The following PSG5 variants were observed in gnomAD, a reference collection of about 807,000 sequenced individuals.
PSG5 encodes the protein pregnancy specific beta-1-glycoprotein 5, also known as pregnancy-specific beta-1-glycoprotein 5.
Under a neutral mutation model 37.7 loss-of-function variants are expected in PSG5, and 53 were observed. The observed-to-expected ratio is 1.41, with a 90% CI of 1.13 to 1.77. The LOEUF is 1.77. Ranked by LOEUF, PSG5 falls within the 40% of genes most tolerant of loss-of-function variation. PSG5 has a pLI of 0.00. For missense variants in PSG5, 547 were observed against 405.2 expected (o/e 1.35, Z -3.00); for synonymous variants, 221 against 155.4 (o/e 1.42, Z -3.14).
chr19:43,178,774 G>C, intron 2 of PSG5: 8 of 1,607,212 alleles, frequency 5.0e-6, no homozygotes, highest in Non-Finnish European at 6.0e-6. Context: ...ATGTCCAGGG[G>C]TAAAGGTCTC....
Position 43,185,098 on chromosome 19 carries a change from A to G in PSG5, c.114T>C (p.Ile38=). Residue 38 remains isoleucine, a synonymous_variant, in exon 2 of 6, where the codon ATT becomes ATC. Coordinates refer to ENST00000342951, the MANE Select transcript of PSG5 (RefSeq NM_002781.4). ...WNLPITAQVT[I]EALPPKVSEG... The stretch of plus-strand genomic sequence containing the variant: ...CGGAAACTTTGGGTGGCAGGGCTTC[A>G]ATCGTGACTTGAGCAGTGATAGGCA... The G allele has an allele frequency of 6.2e-7, 1 of 1,611,574 alleles. No homozygotes were observed. Among genetic ancestry groups the G allele is most frequent in the East Asian group, 2.2e-5 (1 of 44,874 alleles).
intron 4 of PSG5, among the ~76,000 whole-genome samples, chr19:43,172,539 A>G (rs1413024657): frequency 1.3e-5 from 2 of 151,764 alleles, no homozygotes; most frequent in African/African-American, 4.9e-5. Context: ...AATGTTGCAC[A>G]ATACAAAATC....
At chr19:43,168,230 C>A (rs1968828351) in intron 5 of PSG5, 27 bp from the exon 6 acceptor site, 1 of 393,484 alleles carries the variant, frequency 2.5e-6, no homozygotes, top group Non-Finnish European at 4.7e-6. Context: ...TTTAAACTGA[C>A]TATGGTTAAA....
intron 2 of PSG5, among the ~76,000 whole-genome samples, chr19:43,178,313 G>A (rs1969054466): frequency 6.6e-6 from 1 of 151,342 alleles, no homozygotes; most frequent in Non-Finnish European, 1.5e-5. Flanking sequence ...CTATGTTTTG[G>A]TGATTTGGGG....
chr19:43,180,784 T>G lies in PSG5; in HGVS notation c.430+3998A>C, dbSNP rs181768029. 1.3e-3 allele frequency among the ~76,000 whole-genome samples: 173 copies of G among 130,954 alleles called. 4 individuals are homozygous for G. In the Middle Eastern group the frequency reaches 0.026, roughly 20 times the overall value. 85.9% of individuals were successfully genotyped at this position (130,954 alleles called of 152,430 possible). ...TCAAAGAAAGACGCCAAAGGTGATT[T>G]GAAATTAGCAGCTCCTTAAGTAGAG... On this transcript the variant is annotated intron_variant, in intron 2 of 5. Transcript: ENST00000342951.
At chr19:43,169,064 T>C (rs1329910797) in intron 5 of PSG5, among the ~76,000 whole-genome samples, 2 of 151,684 alleles carry the variant, frequency 1.3e-5, no homozygotes, top group Non-Finnish European at 2.9e-5. Context: ...TGGGTGGGGC[T>C]TGAGCATCCA....
intron 2 of PSG5, chr19:43,179,063 G>T: frequency 6.2e-7 from 1 of 1,612,540 alleles, no homozygotes; most frequent in Non-Finnish European, 8.5e-7. Flanking sequence ...GGTAGCTTGT[G>T]TCTGAAGCCG....
chr19:43,181,581 A>C (rs141985707), intron 2 of PSG5, among the ~76,000 whole-genome samples: 3,230 of 151,632 alleles, frequency 0.021, 90 homozygotes, highest in Non-Finnish European at 0.033. Flanking sequence ...GGCTCAGCCT[A>C]CCAAGTAGCT....
intron 2 of PSG5, among the ~76,000 whole-genome samples, chr19:43,176,425 C>A (rs1969013447): frequency 6.6e-6 from 1 of 151,552 alleles, no homozygotes; most frequent in African/African-American, 2.4e-5. Flanking sequence ...GTCACAGCCC[C>A]TGGTACCCCT....
chr19:43,176,026 G>A lies in PSG5; in HGVS notation c.553C>T (p.Gln185Ter), dbSNP rs964279686. 4.3e-6 allele frequency: 7 copies of A among 1,611,032 alleles called. No homozygotes were observed. Among genetic ancestry groups the A allele is most frequent in the Non-Finnish European group, 5.9e-6 (7 of 1,179,196 alleles). The change falls in exon 3 of 6, where the codon CAG (glutamine) becomes TAG (stop). Residue 185 changes from glutamine (Q) to a stop codon, truncating the protein, a stop_gained. Transcript: ENST00000342951. LOFTEE classifies it high-confidence loss of function. Reference sequence around the variant, plus strand: ...ACCCTGGGACTGACCGGGAGGCTCTGACCATTTAGCCACCAAATGTAGGTG... The same window carrying A: ...ACCCTGGGACTGACCGGGAGGCTCTAACCATTTAGCCACCAAATGTAGGTG... ...NYTYIWWLNG[Q>*]SLPVSPRVKR... is the part of the protein sequence containing the mutation.
At chr19:43,176,315 A>G (rs1487197275) in intron 2 of PSG5, among the ~76,000 whole-genome samples, 167 bp from the exon 3 acceptor site, 1 of 151,646 alleles carries the variant, frequency 6.6e-6, no homozygotes, top group Non-Finnish European at 1.5e-5. Context: ...CTAAGGGCTC[A>G]AAGACTGTGA....
In PSG5 at chr19:43,175,146, A is replaced by G. The variant is rs577950736; in HGVS notation, c.964+69T>C. On this transcript the variant is annotated intron_variant, in intron 4 of 5. Coordinates refer to ENST00000342951, the MANE Select transcript of PSG5 (RefSeq NM_002781.4). ...AGGCTGGGAATAAAAATGTTTTCCTAACTCTTCTCTGAAAGCCAGGTAGAC... is the reference window on the plus strand; with the variant it reads ...AGGCTGGGAATAAAAATGTTTTCCTGACTCTTCTCTGAAAGCCAGGTAGAC... The G allele has an allele frequency of 2.7e-5, 44 of 1,610,604 alleles. 1 individual carries two copies. Among genetic ancestry groups the G allele is most frequent in the Non-Finnish European group, 3.4e-5 (40 of 1,178,668 alleles).
rs1968872246 is a variant in PSG5 at position 43,170,100 on chromosome 19, T to C, written c.1003A>G (p.Ile335Val). Residue 335 changes from isoleucine (I) to valine (V), a missense_variant, in exon 5 of 6, where the codon ATA becomes GTA. By Grantham distance (29) the Ile-to-Val change is conservative (BLOSUM62 3). Coordinates refer to ENST00000342951, the MANE Select transcript of PSG5 (RefSeq NM_002781.4). ...CAGAAATGACTTCACGGCTGCTATA[T>C]TGGATTAAGGAGAGGAAGACGTCCT... ...GIGRLPLLNP[I>V] 6.3e-7 allele frequency: 1 copy of C among 1,584,804 alleles called. No homozygotes were observed. Among genetic ancestry groups the C allele is most frequent in the South Asian group, 1.1e-5 (1 of 90,750 alleles).
At chr19:43,182,761 A>G (rs1215939713) in intron 2 of PSG5, among the ~76,000 whole-genome samples, 4 of 137,946 alleles carry the variant, frequency 2.9e-5, no homozygotes, top group Admixed American at 7.5e-5. Context: ...GCAATTATGA[A>G]TGGATGGAGG....
At position 43,184,400 on chromosome 19, in the gene PSG5, GC is replaced by G. The variant is rs555149240; in HGVS notation, c.430+381del. On this transcript the variant is annotated intron_variant, in intron 2 of 5. Coordinates refer to ENST00000342951, the MANE Select transcript of PSG5 (RefSeq NM_002781.4). The stretch of plus-strand genomic sequence containing the variant: ...TTAGGGACAGAGGTCTGGGGTTGAG[GC>G]TTCTAGGGCTGAGCTTCTCTGAGGG... Among the ~76,000 whole-genome samples the G allele has an allele frequency of 7.1e-4, 107 of 151,618 alleles. 3 individuals carry two copies. The highest frequency in any genetic ancestry group is 1.1e-3 in the Non-Finnish European group (72 of 67,918).
rs2883676 is a variant in PSG5, at chr19:43,169,561, G to T, written c.*40+494C>A. Among the ~76,000 whole-genome samples, 344 of 151,690 alleles carry T rather than the reference G, an allele frequency of 2.3e-3. 9 individuals are homozygous for T. Among genetic ancestry groups the T allele is most frequent in the African/African-American group, 6.0e-3 (248 of 41,236 alleles). Reference sequence around the variant, plus strand: ...AAGTAGAGGTAAAGGAAGTGAGAAGGCTTACTAAATAGAAGAAATGTGAAC... The same window carrying T: ...AAGTAGAGGTAAAGGAAGTGAGAAGTCTTACTAAATAGAAGAAATGTGAAC... On this transcript the variant is annotated intron_variant, in intron 5 of 5. Transcript: ENST00000342951.
chr19:43,175,381 G>A lies in PSG5; in HGVS notation c.798C>T (p.Asn266=). The A allele has an allele frequency of 6.2e-7, 1 of 1,612,854 alleles. No individual in the cohort carries two copies. Among genetic ancestry groups the A allele is most frequent in the Non-Finnish European group, 8.5e-7 (1 of 1,179,278 alleles). Residue 266 remains asparagine, a synonymous_variant, in exon 4 of 6, where the codon AAC becomes AAT. Coordinates refer to ENST00000342951, the MANE Select transcript of PSG5 (RefSeq NM_002781.4). ...TTGTCCAAAAATACTCTGCCGGTGG[G>A]TTAGATTCCGCGAAGCAGGACAAGT... ...NLYLSCFAES[N]PPAEYFWTIN... is the part of the protein sequence containing the mutation.
Position 43,185,148 on chromosome 19 carries a change from C to A in PSG5, c.65-1G>T, listed in dbSNP as rs1477050331. The A allele has an allele frequency of 6.3e-7, 1 of 1,596,764 alleles. No homozygotes were observed. The highest frequency in any genetic ancestry group is 8.5e-7 in the Non-Finnish European group (1 of 1,170,966). ...AGGTTCCAGAAGTTTAAAAGTGATGCTAGGAGGTGGAGAAAGCACCAGTCA... is the reference window on the plus strand; with the variant it reads ...AGGTTCCAGAAGTTTAAAAGTGATGATAGGAGGTGGAGAAAGCACCAGTCA... On this transcript the variant is annotated splice_acceptor_variant, in intron 1 of 5. Coordinates refer to ENST00000342951, the MANE Select transcript of PSG5 (RefSeq NM_002781.4). LOFTEE classifies it high-confidence loss of function.
At position 43,181,572 on chromosome 19, in the gene PSG5, G is replaced by C. The variant is rs1160635335; in HGVS notation, c.430+3210C>G. On this transcript the variant is annotated intron_variant, in intron 2 of 5. Transcript: ENST00000342951. Reference sequence around the variant, plus strand: ...CTCCTGGGCTCACGGCATTCTCCTGGCTCAGCCTACCAAGTAGCTGGGACT... The same window carrying C: ...CTCCTGGGCTCACGGCATTCTCCTGCCTCAGCCTACCAAGTAGCTGGGACT... 2.6e-5 allele frequency among the ~76,000 whole-genome samples: 4 copies of C among 151,494 alleles called. No homozygotes were observed. In the East Asian group the frequency reaches 5.8e-4, roughly 22 times the overall value.
Sources: allele counts gnomAD v4.1 joint callset (sites outside exome capture counted in the v4.1 genomes callset), GRCh38; gene constraint gnomAD v4.1.1; transcripts MANE v1.5; gene names NCBI Gene and HGNC (gene_info 2026-07-23, HGNC 2026-07-21).